The following MYBL2 variants were observed in gnomAD, a reference collection of about 807,000 sequenced individuals.
The protein encoded by MYBL2 is myb-related protein B.
A neutral mutation model predicts 79.9 loss-of-function variants in MYBL2; 28 were observed. The ratio of observed to expected loss-of-function variants is 0.35; its 90% CI spans 0.26 to 0.48. The LOEUF (loss-of-function observed/expected upper bound fraction) is 0.48, where lower values mean the gene tolerates loss of function less well. Among genes scored for constraint, MYBL2 ranks in the 20% least tolerant of loss-of-function variants. MYBL2 has a pLI of 0.99. For missense variants in MYBL2, 735 were observed against 893.9 expected (o/e 0.82, Z 2.27); for synonymous variants, 378 against 361.2 (o/e 1.05, Z -0.53).
intron 2 of MYBL2, among the ~76,000 whole-genome samples, chr20:43,678,311 TAAAG>T (rs1195362732): frequency 0.079 from 1,410 of 17,914 alleles, 6 homozygotes; most frequent in South Asian, 0.17. Context: ...AAAAAATAAA[TAAAG>T]AAAGAAAGAA....
intron 6 of MYBL2, among the ~76,000 whole-genome samples, chr20:43,697,372 G>T (rs1017860184): frequency 2.0e-5 from 3 of 152,138 alleles, no homozygotes; most frequent in African/African-American, 7.2e-5. Context: ...CACTTTGGGA[G>T]GCTGAAGTGG....
At chr20:43,686,534 C>A (rs1314755936) in intron 4 of MYBL2, among the ~76,000 whole-genome samples, 3 of 152,132 alleles carry the variant, frequency 2.0e-5, no homozygotes, top group East Asian at 3.9e-4. Flanking sequence ...TGGGTTGAGC[C>A]CTGGAGAGGG....
chr20:43,716,287 A>G lies in MYBL2; in HGVS notation c.*200A>G, dbSNP rs1988032584. ...CCAGCTGTGGGCGGCTCCTGGTGCT[A>G]ACAACAAAGTTCCACTTCCAGGTCT... is the stretch of plus-strand genomic sequence containing the variant. On this transcript the variant is annotated 3_prime_UTR_variant, in exon 14 of 14. Coordinates refer to ENST00000217026, the MANE Select transcript of MYBL2 (RefSeq NM_002466.4). 2 of 739,724 alleles carry G rather than the reference A, an allele frequency of 2.7e-6. No homozygotes were observed. Among genetic ancestry groups the G allele is most frequent in the Non-Finnish European group, 4.2e-6 (2 of 481,456 alleles). 45.8% of individuals were successfully genotyped at this position (739,724 alleles called of 1,614,324 possible). A position where few individuals can be genotyped will look rare whatever the true frequency, so the allele number is the denominator to read the frequency against.
intron 12 of MYBL2, 104 bp from the exon 13 acceptor site, chr20:43,715,030 T>A: frequency 1.5e-6 from 2 of 1,355,610 alleles, no homozygotes; most frequent in Non-Finnish European, 2.1e-6. Flanking sequence ...CTCTTTCAGG[T>A]CTCAGCAGCC....
chr20:43,706,705 C>CAA (rs796756025), intron 9 of MYBL2, among the ~76,000 whole-genome samples: 1 of 38,088 alleles, frequency 2.6e-5, no homozygotes, highest in African/African-American at 7.7e-5. Flanking sequence ...TGTCTGTACA[C>CAA]AAAAAAAAAA....
At chr20:43,673,924 T>C in intron 2 of MYBL2, 25 bp downstream of exon 2, 1 of 1,542,868 alleles carries the variant, frequency 6.5e-7, no homozygotes, top group Non-Finnish European at 8.8e-7. Flanking sequence ...GAAGAGAGGG[T>C]TGATGGCAGC....
chr20:43,704,834 G>A (rs558113399), intron 8 of MYBL2, among the ~76,000 whole-genome samples: 2 of 152,124 alleles, frequency 1.3e-5, no homozygotes, highest in African/African-American at 2.4e-5. Flanking sequence ...TAACCCCACC[G>A]CCACCAGCAC....
chr20:43,712,266 T>G (rs559383911), intron 11 of MYBL2, among the ~76,000 whole-genome samples: 2 of 152,072 alleles, frequency 1.3e-5, no homozygotes, highest in African/African-American at 2.4e-5. Context: ...CCCAGACTGC[T>G]CTCCTCAAGG....
At chr20:43,669,382 C>T (rs1164053813) in intron 1 of MYBL2, among the ~76,000 whole-genome samples, 4 of 152,200 alleles carry the variant, frequency 2.6e-5, no homozygotes, top group Admixed American at 1.3e-4. Context: ...GCTACTTCTC[C>T]CATGAGGGGC....
rs117750650 is a variant in MYBL2, at chr20:43,671,770, C to T, written c.21-2036C>T. On this transcript the variant is annotated intron_variant, in intron 1 of 13. Coordinates refer to ENST00000217026, the MANE Select transcript of MYBL2 (RefSeq NM_002466.4). ...CAGGTGTGAGCCACCACACCTGGCC[C>T]GATTTCCATTTTTGTAACTATTAAA... Among the ~76,000 whole-genome samples the T allele has an allele frequency of 3.1e-3, 469 of 151,922 alleles. 11 individuals are homozygous for T. The East Asian group carries it at 0.061, about 20-fold the overall frequency.
intron 4 of MYBL2, among the ~76,000 whole-genome samples, chr20:43,685,261 ACCT>A (rs1164719285): frequency 1.3e-5 from 2 of 149,384 alleles, no homozygotes; most frequent in African/African-American, 2.5e-5. Flanking sequence ...GCTCATTGCA[ACCT>A]CCTCCTCCTA....
chr20:43,710,661 G>T (rs2145734770), intron 10 of MYBL2, among the ~76,000 whole-genome samples: 1 of 152,324 alleles, frequency 6.6e-6, no homozygotes, highest in African/African-American at 2.4e-5. Context: ...TGTGAACAAG[G>T]TCTGCAGCGG....
chr20:43,698,112 A>G (rs1057053859), intron 6 of MYBL2, among the ~76,000 whole-genome samples: 2 of 98,818 alleles, frequency 2.0e-5, no homozygotes, highest in Non-Finnish European at 4.2e-5. Context: ...TTTTATTTGT[A>G]TATTAAGGAT....
chr20:43,687,183 C>T (rs947774948), intron 5 of MYBL2, 111 bp downstream of exon 5: 1 of 1,145,348 alleles, frequency 8.7e-7, no homozygotes, highest in Non-Finnish European at 1.2e-6. Context: ...TGTTCTGTAA[C>T]ACCCAGCCTC....
At chr20:43,677,862 A>G (rs1987047591) in intron 2 of MYBL2, among the ~76,000 whole-genome samples, 1 of 152,244 alleles carries the variant, frequency 6.6e-6, no homozygotes, top group Non-Finnish European at 1.5e-5. Flanking sequence ...TGGAATAGAA[A>G]GAGGGGAAAG....
chr20:43,696,547 T>A (rs1286649301), intron 6 of MYBL2, among the ~76,000 whole-genome samples: 1 of 152,296 alleles, frequency 6.6e-6, no homozygotes, highest in Admixed American at 6.5e-5. Flanking sequence ...CTTACTCTTT[T>A]ACAACTTTCT....
At chr20:43,712,012 T>C (rs1357836714) in intron 11 of MYBL2, among the ~76,000 whole-genome samples, 1 of 151,798 alleles carries the variant, frequency 6.6e-6, no homozygotes, top group Non-Finnish European at 1.5e-5. Context: ...AAGGAATCTT[T>C]TGGGTGGAGG....
At chr20:43,677,709 C>T (rs1190979174) in intron 2 of MYBL2, among the ~76,000 whole-genome samples, 1 of 150,840 alleles carries the variant, frequency 6.6e-6, no homozygotes, top group Non-Finnish European at 1.5e-5. Flanking sequence ...CCTGGCCAGC[C>T]ACCCCGTCCG....
At chr20:43,697,052 G>A (rs1201003254) in intron 6 of MYBL2, among the ~76,000 whole-genome samples, 2 of 30,658 alleles carry the variant, frequency 6.5e-5, no homozygotes, top group African/African-American at 1.6e-4. Context: ...TGGAATGATT[G>A]GGTAAAATAG....
Sources: gnomAD v4.1 joint callset for allele counts (sites outside exome capture counted in the v4.1 genomes callset) on GRCh38, gnomAD v4.1.1 for gene constraint, MANE v1.5 for transcripts, NCBI Gene and HGNC (gene_info 2026-07-23, HGNC 2026-07-21) for gene names.